EYS: variants seen among roughly 807,000 people sequenced by gnomAD.
EYS encodes protein eyes shut homolog.
Under a neutral mutation model 282.1 loss-of-function variants are expected in EYS, and 250 were observed. The observed-to-expected ratio is 0.89, with a 90% CI of 0.80 to 0.98. The LOEUF is 0.98. Among genes scored for constraint, EYS ranks in the 50% least tolerant of loss-of-function variants. The probability of loss-of-function intolerance (pLI) is 0.00; values close to 1 mark genes in which losing one functional copy is unlikely to be tolerated. For synonymous variants in EYS, 1,355 were observed against 1,282.9 expected (o/e 1.06, Z -1.20); for missense variants, 4,016 against 3,709.0 (o/e 1.08, Z -2.15).
chr6:64,776,251 C>T (rs1773673386), intron 22 of EYS, among the ~76,000 whole-genome samples: 1 of 151,980 alleles, frequency 6.6e-6, no homozygotes, highest in African/African-American at 2.4e-5. Flanking sequence ...TTTTTCTGGC[C>T]AGATATGCTT....
At chr6:63,899,804 A>G (rs143886912) in intron 35 of EYS, among the ~76,000 whole-genome samples, 165 of 152,344 alleles carry the variant, frequency 1.1e-3, no homozygotes, top group African/African-American at 3.8e-3. Flanking sequence ...CTATATATCA[A>G]GAATATTTAT....
chr6:64,943,778 A>G (rs546101497), intron 15 of EYS, among the ~76,000 whole-genome samples: 11 of 152,226 alleles, frequency 7.2e-5, no homozygotes, highest in South Asian at 6.2e-4. Flanking sequence ...AATGGACATA[A>G]TGCCCAAAGC....
At chr6:65,311,667 T>C (rs1381101849) in intron 11 of EYS, among the ~76,000 whole-genome samples, 1 of 152,210 alleles carries the variant, frequency 6.6e-6, no homozygotes, top group Non-Finnish European at 1.5e-5. Flanking sequence ...TTGAGTATTA[T>C]TATATGAGTA....
intron 26 of EYS, among the ~76,000 whole-genome samples, chr6:64,446,405 G>A (rs1273058158): frequency 6.6e-6 from 1 of 151,900 alleles, no homozygotes; most frequent in Non-Finnish European, 1.5e-5. Context: ...AAACTCTGAA[G>A]TATATGTGTG....
chr6:65,306,224 G>C (rs1769000695), intron 11 of EYS, among the ~76,000 whole-genome samples: 1 of 152,200 alleles, frequency 6.6e-6, no homozygotes, highest in Non-Finnish European at 1.5e-5. Context: ...TGGCTCCTAA[G>C]GAACTGCTGT....
chr6:64,738,988 T>A (rs2149959163), intron 22 of EYS, among the ~76,000 whole-genome samples: 1 of 152,328 alleles, frequency 6.6e-6, no homozygotes, highest in Admixed American at 6.5e-5. Context: ...CCTTAGGTGG[T>A]CAGCCCGCTT....
chr6:63,994,875 C>T (rs1177444120), intron 34 of EYS, among the ~76,000 whole-genome samples: 4 of 151,814 alleles, frequency 2.6e-5, no homozygotes, highest in African/African-American at 9.7e-5. Flanking sequence ...ACATAAAAAT[C>T]TACTTAAAGT....
At chr6:64,236,249 G>A (rs531145922) in intron 30 of EYS, among the ~76,000 whole-genome samples, 27 of 152,186 alleles carry the variant, frequency 1.8e-4, no homozygotes, top group Admixed American at 1.1e-3. Flanking sequence ...CTGGGATTAC[G>A]GGCGTGAGCA....
chr6:65,124,041 G>T (rs971410341), intron 12 of EYS, among the ~76,000 whole-genome samples: 1 of 152,014 alleles, frequency 6.6e-6, no homozygotes, highest in Non-Finnish European at 1.5e-5. Context: ...AGGGCTGGTG[G>T]CATGCACCTG....
intron 12 of EYS, among the ~76,000 whole-genome samples, chr6:65,061,001 T>C (rs1353963620): frequency 2.6e-5 from 4 of 151,828 alleles, no homozygotes; most frequent in African/African-American, 9.7e-5. Context: ...TCATTTTCAA[T>C]CCTGTTTAGG....
At chr6:64,871,198 T>G (rs560040540) in intron 19 of EYS, among the ~76,000 whole-genome samples, 1 of 152,036 alleles carries the variant, frequency 6.6e-6, no homozygotes, top group African/African-American at 2.4e-5. Context: ...ATCTTTTACA[T>G]AATATTATTT....
At chr6:63,850,338 T>C (rs149428039) in intron 36 of EYS, among the ~76,000 whole-genome samples, 3 of 152,038 alleles carry the variant, frequency 2.0e-5, no homozygotes, top group Non-Finnish European at 2.9e-5. Context: ...ACCAATAAGA[T>C]AGTCATTGAG....
intron 26 of EYS, among the ~76,000 whole-genome samples, chr6:64,468,694 C>T (rs1776006514): frequency 6.6e-6 from 1 of 152,140 alleles, no homozygotes; most frequent in Non-Finnish European, 1.5e-5. Flanking sequence ...TCTGCTGTTC[C>T]TTTCTTTGTG....
intron 33 of EYS, among the ~76,000 whole-genome samples, chr6:64,016,348 T>C (rs1768888840): frequency 6.6e-6 from 1 of 152,150 alleles, no homozygotes; most frequent in Non-Finnish European, 1.5e-5. Flanking sequence ...TCTTCCCATT[T>C]ATAGGTGAGG....
At chr6:64,592,415 T>C (rs192379669) in intron 25 of EYS, among the ~76,000 whole-genome samples, 1 of 152,150 alleles carries the variant, frequency 6.6e-6, no homozygotes, top group Non-Finnish European at 1.5e-5. Context: ...GATAACACCA[T>C]ATTTCAATTT....
chr6:65,469,818 C>T (rs1765143042), intron 5 of EYS, among the ~76,000 whole-genome samples: 1 of 152,048 alleles, frequency 6.6e-6, no homozygotes, highest in African/African-American at 2.4e-5. Context: ...TTCTGCCAAG[C>T]ATCTGCTGAG....
intron 1 of EYS, among the ~76,000 whole-genome samples, chr6:65,654,185 A>C (rs1389562023): frequency 6.6e-6 from 1 of 151,984 alleles, no homozygotes; most frequent in Non-Finnish European, 1.5e-5. Flanking sequence ...ATTTTCTCAA[A>C]GTGTGAAAGT....
intron 30 of EYS, among the ~76,000 whole-genome samples, chr6:64,244,257 T>A (rs1766933024): frequency 6.6e-6 from 1 of 152,226 alleles, no homozygotes; most frequent in African/African-American, 2.4e-5. Context: ...TAATCCTATA[T>A]AATGGATGTT....
chr6:63,806,110 C>T (rs1770900443), intron 37 of EYS, 80 bp downstream of exon 37: 1 of 1,234,438 alleles, frequency 8.1e-7, no homozygotes, highest in Non-Finnish European at 1.1e-6. Flanking sequence ...TTTACCACAG[C>T]CAATTAGAGT....
Sources: allele counts gnomAD v4.1 joint callset (sites outside exome capture counted in the v4.1 genomes callset), GRCh38; gene constraint gnomAD v4.1.1; transcripts MANE v1.5; gene names NCBI Gene and HGNC (gene_info 2026-07-23, HGNC 2026-07-21).